Variants in PDHX observed in about 807,000 individuals in gnomAD.
The protein encoded by PDHX is pyruvate dehydrogenase protein X component, mitochondrial.
In PDHX, 33 loss-of-function variants were observed where a neutral mutation model predicts 55.3. That is an observed-to-expected ratio of 0.60 (90% confidence interval 0.45 to 0.80). The LOEUF is 0.80. Among genes scored for constraint, PDHX ranks in the 30% least tolerant of loss-of-function variants. PDHX has a pLI of 0.00. For missense variants in PDHX, 622 were observed against 619.9 expected, an observed-to-expected ratio of 1.00 and a Z score of -0.04; for synonymous variants, 226 against 219.4, an observed-to-expected ratio of 1.03 and a Z score of -0.27.
intron 7 of PDHX, among the ~76,000 whole-genome samples, chr11:34,972,796 A>G (rs1415596598): frequency 6.6e-6 from 1 of 152,122 alleles, no homozygotes; most frequent in Non-Finnish European, 1.5e-5. Context: ...CTTAATTTCA[A>G]AATATTTGAG....
chr11:34,953,751 C>T (rs1854837928), intron 3 of PDHX, among the ~76,000 whole-genome samples: 2 of 152,204 alleles, frequency 1.3e-5, no homozygotes, highest in African/African-American at 2.4e-5. Flanking sequence ...GCCTCTGCTA[C>T]ATACTTGTCT....
At chr11:34,961,907 C>T (rs918100089) in intron 5 of PDHX, among the ~76,000 whole-genome samples, 3 of 152,156 alleles carry the variant, frequency 2.0e-5, no homozygotes, top group Non-Finnish European at 4.4e-5. Context: ...AATTAAGAAC[C>T]TTGGTTGCCA....
At chr11:34,982,996 C>A (rs963700099) in intron 8 of PDHX, among the ~76,000 whole-genome samples, 5 of 152,294 alleles carry the variant, frequency 3.3e-5, no homozygotes, top group Admixed American at 3.3e-4. Flanking sequence ...ACCAATATCC[C>A]TGATGAACAT....
At chr11:34,919,122 G>A (rs954933534) in intron 1 of PDHX, among the ~76,000 whole-genome samples, 5 of 152,212 alleles carry the variant, frequency 3.3e-5, no homozygotes, top group Non-Finnish European at 5.9e-5. Context: ...ATGTGAAGCT[G>A]TGGAAAGTAT....
At chr11:34,955,171 A>G (rs148203173) in intron 3 of PDHX, among the ~76,000 whole-genome samples, 2 of 152,312 alleles carry the variant, frequency 1.3e-5, no homozygotes, top group East Asian at 3.9e-4. Flanking sequence ...TTGGTAGGGC[A>G]GAGTGTATCC....
rs1855228903 is a variant in PDHX, at chr11:34,970,209, G to A, written c.887G>A (p.Ser296Asn). Residue 296 changes from serine to asparagine, a missense_variant, in exon 7 of 11, where the codon AGT (serine) becomes AAT (asparagine). By Grantham distance (46) the Ser-to-Asn change is conservative (BLOSUM62 1). Transcript: ENST00000227868. ...VIAKRLTESK[S>N]TVPHAYATAD... ...GCCAAGAGATTAACTGAATCTAAAAGTACTGTACCTCATGCATATGCTACT... is the reference window on the plus strand; with the variant it reads ...GCCAAGAGATTAACTGAATCTAAAAATACTGTACCTCATGCATATGCTACT... 6.2e-7 allele frequency: 1 copy of A among 1,612,744 alleles called. No homozygotes were observed. Among genetic ancestry groups the A allele is most frequent in the Non-Finnish European group, 8.5e-7 (1 of 1,178,756 alleles).
chr11:34,919,821 G>A (rs955190508), intron 1 of PDHX, among the ~76,000 whole-genome samples: 4 of 152,178 alleles, frequency 2.6e-5, no homozygotes, highest in African/African-American at 9.7e-5. Flanking sequence ...ATGGTACCCT[G>A]CTTGGGAAGT....
intron 1 of PDHX, among the ~76,000 whole-genome samples, chr11:34,917,292 A>G (rs1433486530): frequency 6.6e-6 from 1 of 152,214 alleles, no homozygotes; most frequent in Non-Finnish European, 1.5e-5. Context: ...ACCCCACGCC[A>G]TGACTCGTGG....
Position 34,947,679 on chromosome 11 carries a change from C to T in PDHX, c.342+73C>T, listed in dbSNP as rs375443944. The T allele has an allele frequency of 9.9e-6, 10 of 1,005,620 alleles. No homozygotes were observed. The African/African-American group carries it at 1.4e-4, about 14-fold the overall frequency. The allele number at this position is 1,005,620 out of a possible 1,614,324, so 62.3% of individuals were successfully genotyped here. ...TGGAAAGTTCATTGTAGTAAAATTA[C>T]CTTTTATTTTTGCCTCCTTATTTTT... On this transcript the variant is annotated intron_variant, in intron 3 of 10. Coordinates refer to ENST00000227868, the MANE Select transcript of PDHX (RefSeq NM_003477.3).
intron 1 of PDHX, among the ~76,000 whole-genome samples, chr11:34,918,887 T>C (rs1460796578): frequency 6.6e-6 from 1 of 152,186 alleles, no homozygotes; most frequent in African/African-American, 2.4e-5. Context: ...GGTTCAGTCT[T>C]TATCACATTA....
intron 1 of PDHX, among the ~76,000 whole-genome samples, chr11:34,929,373 G>T (rs967506): frequency 1.3e-5 from 2 of 152,016 alleles, no homozygotes; most frequent in South Asian, 2.1e-4. Context: ...TGGGATTACA[G>T]GCGTGTGCCA....
chr11:34,933,719 A>C (rs75392155), intron 2 of PDHX, among the ~76,000 whole-genome samples: 1,750 of 152,260 alleles, frequency 0.011, 17 homozygotes, highest in Non-Finnish European at 0.018. Context: ...TTGCAGGCCT[A>C]GGGCAGGAGA....
intron 3 of PDHX, 28 bp from the exon 4 acceptor site, chr11:34,957,356 T>C: frequency 6.9e-7 from 1 of 1,445,170 alleles, no homozygotes; most frequent in Admixed American, 1.7e-5. Flanking sequence ...GTTTTACTTC[T>C]CTACAGTTAC....
chr11:34,967,077 C>A (rs1855152415), intron 6 of PDHX, among the ~76,000 whole-genome samples: 1 of 152,122 alleles, frequency 6.6e-6, no homozygotes, highest in Non-Finnish European at 1.5e-5. Context: ...GTCTCAAACT[C>A]CTGACTTCAG....
chr11:34,992,108 C>T (rs976253638), intron 9 of PDHX, among the ~76,000 whole-genome samples: 3 of 151,964 alleles, frequency 2.0e-5, no homozygotes, highest in Non-Finnish European at 4.4e-5. Flanking sequence ...AGTGATTTTT[C>T]TAGAGTTTTG....
rs1364336341 is a variant in PDHX, at chr11:34,984,483, T to C, written c.1024-87T>C. ...TTCTCTTATCTAGCTATGTTCACTT[T>C]GGAAAATGCACAATGATTTTATTTT... On this transcript the variant is annotated intron_variant, in intron 8 of 10. Coordinates refer to ENST00000227868, the MANE Select transcript of PDHX (RefSeq NM_003477.3). The C allele has an allele frequency of 3.4e-6, 4 of 1,177,646 alleles. No individual in the cohort carries two copies. In the African/African-American group the frequency reaches 6.1e-5, roughly 18 times the overall value. The allele number at this position is 1,177,646 out of a possible 1,614,324, so 72.9% of individuals were successfully genotyped here.
intron 8 of PDHX, among the ~76,000 whole-genome samples, chr11:34,978,927 G>A (rs1199853678): frequency 1.1e-4 from 17 of 152,246 alleles, no homozygotes; most frequent in Non-Finnish European, 8.8e-5. Flanking sequence ...CTTCAGAAAC[G>A]AAAAGGAGAG....
At chr11:34,969,346 C>CT (rs763366784) in intron 6 of PDHX, among the ~76,000 whole-genome samples, 142 of 138,038 alleles carry the variant, frequency 1.0e-3, no homozygotes, top group Middle Eastern at 3.8e-3. Flanking sequence ...GGTTTTTTTT[C>CT]TTTTTTTTTT....
In PDHX at chr11:34,994,770, C is replaced by T; in HGVS notation, c.1248-144C>T. 2 of 798,686 alleles carry T rather than the reference C, an allele frequency of 2.5e-6. 1 individual carries two copies. 49.5% of individuals were successfully genotyped at this position (798,686 alleles called of 1,614,324 possible). A position where few individuals can be genotyped will look rare whatever the true frequency, so the allele number is the denominator to read the frequency against. ...TACACAATTAATTTATTTGTAAATA[C>T]TAAATGTTTCCTTTTTTCATTACTC... On this transcript the variant is annotated intron_variant, in intron 10 of 10. Transcript: ENST00000227868.
Sources: gnomAD v4.1 joint callset for allele counts (sites outside exome capture counted in the v4.1 genomes callset) on GRCh38, gnomAD v4.1.1 for gene constraint, MANE v1.5 for transcripts, NCBI Gene and HGNC (gene_info 2026-07-23, HGNC 2026-07-21) for gene names.